SLC9A9: variants seen among roughly 807,000 people sequenced by gnomAD.
SLC9A9 encodes the protein solute carrier family 9 member A9.
A neutral mutation model predicts 77.8 loss-of-function variants in SLC9A9; 62 were observed. The ratio of observed to expected loss-of-function variants is 0.80; its 90% confidence interval spans 0.65 to 0.98. SLC9A9 has a LOEUF of 0.98. Among genes scored for constraint, SLC9A9 ranks in the 50% least tolerant of loss-of-function variants. SLC9A9 has a pLI of 0.00. For synonymous variants in SLC9A9, 320 were observed against 283.5 expected, an observed-to-expected ratio of 1.13 and a Z score of -1.29; for missense variants, 775 against 774.9, an observed-to-expected ratio of 1.00 and a Z score of 0.00.
chr3:143,601,449 T>TTGTA (rs2037843582), intron 6 of SLC9A9, among the ~76,000 whole-genome samples: 1 of 152,242 alleles, frequency 6.6e-6, no homozygotes, highest in African/African-American at 2.4e-5. Context: ...AATTTGGAAT[T>TTGTA]GAAATTCAGT....
chr3:143,488,084 G>A (rs66925722), intron 11 of SLC9A9, among the ~76,000 whole-genome samples: 34,274 of 151,578 alleles, frequency 0.23, 4,057 homozygotes, highest in East Asian at 0.36. Flanking sequence ...GAAATAACAA[G>A]AATTAGAGAA....
Position 143,848,437 on chromosome 3 carries a change from G to T in SLC9A9, c.-115C>A. On this transcript the variant is annotated 5_prime_UTR_variant, in exon 1 of 16. Coordinates refer to ENST00000316549, the MANE Select transcript of SLC9A9 (RefSeq NM_173653.4). ...TTTCAGAAGAAACACTGCCACTTTA[G>T]TTGCTACTTCACAAGCATTCTGCCC... The T allele has an allele frequency of 1.5e-6, 2 of 1,353,390 alleles. No individual in the cohort carries two copies. Among genetic ancestry groups the T allele is most frequent in the Non-Finnish European group, 2.1e-6 (2 of 952,836 alleles). 83.8% of individuals were successfully genotyped at this position (1,353,390 alleles called of 1,614,324 possible). A position where few individuals can be genotyped will look rare whatever the true frequency, so the allele number is the denominator to read the frequency against.
intron 5 of SLC9A9, among the ~76,000 whole-genome samples, chr3:143,663,906 G>T (rs190949558): frequency 8.1e-4 from 124 of 152,298 alleles, no homozygotes; most frequent in African/African-American, 2.8e-3. Flanking sequence ...AAAACACTCT[G>T]CAGGATATTA....
At chr3:143,621,508 C>G (rs1229254583) in intron 6 of SLC9A9, among the ~76,000 whole-genome samples, 2 of 152,226 alleles carry the variant, frequency 1.3e-5, no homozygotes, top group Non-Finnish European at 2.9e-5. Context: ...CAAACAGGGT[C>G]TGGAGTGGAC....
intron 6 of SLC9A9, among the ~76,000 whole-genome samples, chr3:143,600,081 C>T (rs1391880532): frequency 6.6e-6 from 1 of 151,526 alleles, no homozygotes; most frequent in African/African-American, 2.4e-5. Flanking sequence ...GCAGAATGTG[C>T]AGGTTTGTTA....
At chr3:143,827,716 T>C (rs2009335355) in intron 2 of SLC9A9, among the ~76,000 whole-genome samples, 1 of 152,198 alleles carries the variant, frequency 6.6e-6, no homozygotes, top group Non-Finnish European at 1.5e-5. Context: ...TTCCAGCCTC[T>C]CCAAATCCTG....
rs375635656 is a variant in SLC9A9, at chr3:143,444,574, T to G, written c.1469+22463A>C. 5.2e-4 allele frequency among the ~76,000 whole-genome samples: 79 copies of G among 152,360 alleles called. 1 individual carries two copies. Among genetic ancestry groups the G allele is most frequent in the African/African-American group, 1.9e-3 (78 of 41,582 alleles). The stretch of plus-strand genomic sequence containing the variant: ...GACTTTTTAATAGTCTCAGATAGTT[T>G]ATTTTTAAGTCCTCTGGTGACTTCT... On this transcript the variant is annotated intron_variant, in intron 12 of 15. Coordinates refer to ENST00000316549, the MANE Select transcript of SLC9A9 (RefSeq NM_173653.4).
chr3:143,587,314 G>C (rs938071187), intron 6 of SLC9A9, among the ~76,000 whole-genome samples: 2 of 152,214 alleles, frequency 1.3e-5, no homozygotes. Flanking sequence ...ATAATAAATA[G>C]CTAAGCAAAT....
chr3:143,581,516 C>G (rs6763357), intron 6 of SLC9A9, among the ~76,000 whole-genome samples: 10,540 of 151,972 alleles, frequency 0.069, 538 homozygotes, highest in African/African-American at 0.14. Flanking sequence ...CCCTCCCTTC[C>G]TTCCTTCTTT....
chr3:143,648,249 G>A (rs919415845), intron 6 of SLC9A9, among the ~76,000 whole-genome samples: 1 of 152,168 alleles, frequency 6.6e-6, no homozygotes, highest in African/African-American at 2.4e-5. Flanking sequence ...TGGTCATCTA[G>A]GTCAGCAGTC....
At chr3:143,755,901 C>T (rs1355453069) in intron 4 of SLC9A9, among the ~76,000 whole-genome samples, 1 of 151,966 alleles carries the variant, frequency 6.6e-6, no homozygotes, top group Non-Finnish European at 1.5e-5. Context: ...TGTTGGCAAT[C>T]AAAAAGTAAG....
At chr3:143,312,168 C>T (rs1434544592) in intron 14 of SLC9A9, among the ~76,000 whole-genome samples, 1 of 152,220 alleles carries the variant, frequency 6.6e-6, no homozygotes, top group African/African-American at 2.4e-5. Context: ...CTACTTCTGT[C>T]ATTTACTGAA....
chr3:143,392,708 C>T (rs2033602703), intron 12 of SLC9A9, among the ~76,000 whole-genome samples: 1 of 152,152 alleles, frequency 6.6e-6, no homozygotes, highest in African/African-American at 2.4e-5. Context: ...GGAGACCCAT[C>T]TCACGTGCAG....
chr3:143,499,248 C>A (rs571837370), intron 9 of SLC9A9, among the ~76,000 whole-genome samples: 1 of 152,108 alleles, frequency 6.6e-6, no homozygotes, highest in South Asian at 2.1e-4. Context: ...TAGATAAATT[C>A]GGATAAAATG....
intron 6 of SLC9A9, among the ~76,000 whole-genome samples, chr3:143,602,129 G>A (rs1030160114): frequency 6.6e-6 from 1 of 152,152 alleles, no homozygotes; most frequent in Non-Finnish European, 1.5e-5. Flanking sequence ...ATATTATCAT[G>A]TAAGAAATTA....
chr3:143,750,210 C>A (rs1335607817), intron 4 of SLC9A9, among the ~76,000 whole-genome samples: 1 of 152,190 alleles, frequency 6.6e-6, no homozygotes, highest in African/African-American at 2.4e-5. Context: ...AAGGGCCTTA[C>A]AATTCTAACT....
chr3:143,598,806 GA>G (rs2037801264), intron 6 of SLC9A9, among the ~76,000 whole-genome samples: 1 of 152,230 alleles, frequency 6.6e-6, no homozygotes, highest in South Asian at 2.1e-4. Flanking sequence ...CTTTAATATG[GA>G]GGGAGTTTGG....
Position 143,501,474 on chromosome 3 carries a change from C to T in SLC9A9, c.1090-6026G>A, listed in dbSNP as rs1227769769. Among the ~76,000 whole-genome samples, 7 of 150,780 alleles carry T rather than the reference C, an allele frequency of 4.6e-5. No homozygotes were observed. In the East Asian group the frequency reaches 1.2e-3, roughly 25 times the overall value. On this transcript the variant is annotated intron_variant, in intron 9 of 15. Coordinates refer to ENST00000316549, the MANE Select transcript of SLC9A9 (RefSeq NM_173653.4). ...TAAAATTCCTGACATGAGTTGTCCT[C>T]TCACGAAGGGGATACGTTTTCTTTT... is the stretch of plus-strand genomic sequence containing the variant.
At chr3:143,314,044 G>T (rs914547849) in intron 14 of SLC9A9, among the ~76,000 whole-genome samples, 1 of 152,292 alleles carries the variant, frequency 6.6e-6, no homozygotes, top group African/African-American at 2.4e-5. Context: ...CTCCCACTGT[G>T]CCTGTGCCCA....
Sources: allele counts gnomAD v4.1 joint callset (sites outside exome capture counted in the v4.1 genomes callset), GRCh38; gene constraint gnomAD v4.1.1; transcripts MANE v1.5; gene names NCBI Gene and HGNC (gene_info 2026-07-23, HGNC 2026-07-21).